The following RAG1 variants were observed in gnomAD, a reference collection of about 807,000 sequenced individuals.
RAG1 encodes the protein V(D)J recombination-activating protein 1.
A neutral mutation model predicts 62.7 loss-of-function variants in RAG1; 35 were observed. The ratio of observed to expected loss-of-function variants is 0.56; its 90% CI spans 0.43 to 0.74. The LOEUF (loss-of-function observed/expected upper bound fraction) is 0.74, where lower values mean the gene tolerates loss of function less well. Ranked by LOEUF, RAG1 falls within the 30% of genes least tolerant of loss-of-function variation. RAG1 has a pLI of 0.00. For synonymous variants in RAG1, 461 were observed against 470.3 expected, an observed-to-expected ratio of 0.98 and a Z score of 0.26; for missense variants, 1,169 against 1,278.6, an observed-to-expected ratio of 0.91 and a Z score of 1.31.
upstream of RAG1, among the ~76,000 whole-genome samples, chr11:36,565,131 TA>T (rs1251793112): frequency 1.2e-4 from 18 of 152,220 alleles, no homozygotes; most frequent in African/African-American, 3.9e-4. Flanking sequence ...TTTTGCTAGT[TA>T]GAGATGTATA....
chr11:36,524,907 C>T (rs1860136849), intron 2 of RAG1, among the ~76,000 whole-genome samples: 1 of 152,100 alleles, frequency 6.6e-6, no homozygotes, highest in Non-Finnish European at 1.5e-5. Flanking sequence ...ATATCATTTG[C>T]CCATTTTCTA....
rs1421691192 is a variant in RAG1, at chr11:36,573,667, T to C, written c.363T>C (p.Asp121=). The C allele has an allele frequency of 1.9e-6, 3 of 1,614,046 alleles. No individual in the cohort carries two copies. The African/African-American group carries it at 4.0e-5, about 22-fold the overall frequency. Residue 121 remains aspartate, a synonymous_variant, in exon 2 of 2, where the codon GAT becomes GAC. Coordinates refer to ENST00000299440, the MANE Select transcript of RAG1 (RefSeq NM_000448.3). ...CRICGNSFRA[D]EHNRRYPVHG... is the part of the protein sequence containing the mutation. The stretch of plus-strand genomic sequence containing the variant: ...TCTGTGGGAATTCTTTTAGAGCTGA[T>C]GAGCACAACAGGAGATATCCAGTCC...
chr11:36,535,535 G>C (rs1860313883), intron 2 of RAG1, among the ~76,000 whole-genome samples: 1 of 152,138 alleles, frequency 6.6e-6, no homozygotes, highest in Non-Finnish European at 1.5e-5. Flanking sequence ...CCTGAGCTCA[G>C]GAGTTCGAGA....
intron 3 of RAG1, among the ~76,000 whole-genome samples, chr11:36,546,513 G>T: frequency 6.6e-6 from 1 of 152,018 alleles, no homozygotes; most frequent in East Asian, 1.9e-4. Flanking sequence ...CACATCGATG[G>T]GTGTTTACTC....
At chr11:36,525,771 C>T (rs1349012969) in intron 2 of RAG1, among the ~76,000 whole-genome samples, 5 of 152,042 alleles carry the variant, frequency 3.3e-5, no homozygotes, top group Admixed American at 3.3e-4. Context: ...CTTTGCTAAA[C>T]TCACTTTTTA....
At chr11:36,523,966 C>A (rs933845953) in intron 2 of RAG1, among the ~76,000 whole-genome samples, 1 of 152,168 alleles carries the variant, frequency 6.6e-6, no homozygotes, top group South Asian at 2.1e-4. Context: ...CACCCACTCT[C>A]TCCTCCTCTA....
intron 1 of RAG1, among the ~76,000 whole-genome samples, chr11:36,571,505 A>G (rs1262002113): frequency 1.3e-5 from 2 of 152,204 alleles, no homozygotes; most frequent in Non-Finnish European, 2.9e-5. Flanking sequence ...GAGACATTTG[A>G]AATGGCCGTG....
chr11:36,525,995 A>G (rs575610288), intron 2 of RAG1, among the ~76,000 whole-genome samples: 7 of 152,360 alleles, frequency 4.6e-5, no homozygotes, highest in Non-Finnish European at 5.9e-5. Context: ...GGTCGATTAC[A>G]TTAACTGGGT....
intron 2 of RAG1, among the ~76,000 whole-genome samples, chr11:36,532,375 A>C (rs990637906): frequency 6.6e-6 from 1 of 152,140 alleles, no homozygotes; most frequent in East Asian, 1.9e-4. Flanking sequence ...ATCTATATTT[A>C]TATTTTACAA....
chr11:36,569,677 A>G (rs1300082363), intron 1 of RAG1, among the ~76,000 whole-genome samples: 1 of 152,248 alleles, frequency 6.6e-6, no homozygotes, highest in African/African-American at 2.4e-5. Flanking sequence ...GTATCACAAA[A>G]TTAATAAAAA....
chr11:36,532,221 T>C (rs6484861), intron 2 of RAG1, among the ~76,000 whole-genome samples: 75,516 of 151,882 alleles, frequency 0.5, 21,419 homozygotes, highest in East Asian at 0.72. Flanking sequence ...GAAAGTTATT[T>C]TTAATATTCT....
At chr11:36,524,351 A>AG (rs1323830714) in intron 2 of RAG1, among the ~76,000 whole-genome samples, 10 of 151,274 alleles carry the variant, frequency 6.6e-5, no homozygotes. Context: ...AAAAAAAAAA[A>AG]AGAAAAGAAA....
intron 2 of RAG1, among the ~76,000 whole-genome samples, chr11:36,524,167 T>A (rs925966697): frequency 4.6e-5 from 7 of 152,074 alleles, no homozygotes; most frequent in Non-Finnish European, 8.8e-5. Context: ...GGAGTGTAAT[T>A]ACTGAGTCAT....
chr11:36,564,113 A>T (rs1850628612), upstream of RAG1, among the ~76,000 whole-genome samples: 1 of 152,118 alleles, frequency 6.6e-6, no homozygotes, highest in Non-Finnish European at 1.5e-5. Flanking sequence ...ACCGGCCTTT[A>T]CTCTCAGCTC....
At chr11:36,557,278 G>A (rs1850516444) in intron 3 of RAG1, among the ~76,000 whole-genome samples, 1 of 71,380 alleles carries the variant, frequency 1.4e-5, no homozygotes, top group African/African-American at 1.0e-4. Flanking sequence ...GTGGGCGTAG[G>A]ACCCTCTGAG....
chr11:36,568,284 G>T (rs1158125108), intron 1 of RAG1, among the ~76,000 whole-genome samples, 162 bp downstream of exon 1: 3 of 151,980 alleles, frequency 2.0e-5, no homozygotes, highest in African/African-American at 7.3e-5. Flanking sequence ...AAAGGTACAA[G>T]AGGCCAAGTT....
chr11:36,567,616 C>T (rs1322284974), upstream of RAG1, among the ~76,000 whole-genome samples: 3 of 152,314 alleles, frequency 2.0e-5, no homozygotes, highest in Middle Eastern at 6.8e-3. Context: ...AGGCAGACAT[C>T]GTTTCAAGTA....
intron 1 of RAG1, among the ~76,000 whole-genome samples, chr11:36,518,947 C>T (rs941726389): frequency 2.0e-5 from 3 of 152,230 alleles, no homozygotes; most frequent in East Asian, 1.9e-4. Flanking sequence ...TATGAGTGTT[C>T]GCTTTCTTAT....
At chr11:36,529,690 C>T (rs1053687386) in intron 2 of RAG1, among the ~76,000 whole-genome samples, 1 of 152,032 alleles carries the variant, frequency 6.6e-6, no homozygotes, top group Non-Finnish European at 1.5e-5. Flanking sequence ...ATTAGGAAAA[C>T]AGGAAGTCAA....
Sources: allele counts gnomAD v4.1 joint callset (sites outside exome capture counted in the v4.1 genomes callset), GRCh38; gene constraint gnomAD v4.1.1; transcripts MANE v1.5; gene names NCBI Gene and HGNC (gene_info 2026-07-23, HGNC 2026-07-21).